The following CNTN5 variants were observed in gnomAD, a reference collection of about 807,000 sequenced individuals.
The protein encoded by CNTN5 is contactin 5.
Under a neutral mutation model 129.1 loss-of-function variants are expected in CNTN5, and 77 were observed. The observed-to-expected ratio is 0.60, with a 90% CI of 0.50 to 0.72. The LOEUF is 0.72. Ranked by LOEUF, CNTN5 falls within the 30% of genes least tolerant of loss-of-function variation. CNTN5 has a pLI of 0.00. For synonymous variants in CNTN5, 509 were observed against 465.6 expected (o/e 1.09, Z -1.20); for missense variants, 1,478 against 1,328.8 (o/e 1.11, Z -1.75).
intron 3 of CNTN5, among the ~76,000 whole-genome samples, chr11:99,619,292 C>A (rs1306720273): frequency 2.0e-5 from 3 of 151,992 alleles, no homozygotes; most frequent in African/African-American, 7.2e-5. Flanking sequence ...AAATTTTTCA[C>A]AAAAGTTTAC....
chr11:99,154,734 G>A (rs935492865), intron 1 of CNTN5, among the ~76,000 whole-genome samples: 2 of 152,168 alleles, frequency 1.3e-5, no homozygotes, highest in Admixed American at 6.5e-5. Flanking sequence ...AAGCACCCAG[G>A]TTGGACATCT....
chr11:100,194,603 G>GAA (rs774548959), intron 15 of CNTN5, among the ~76,000 whole-genome samples: 4,106 of 125,004 alleles, frequency 0.033, 198 homozygotes, highest in African/African-American at 0.11. Flanking sequence ...GGGATACAAG[G>GAA]AAAAAAAAAA....
At chr11:99,613,701 A>G (rs1950666479) in intron 3 of CNTN5, among the ~76,000 whole-genome samples, 1 of 152,214 alleles carries the variant, frequency 6.6e-6, no homozygotes, top group Admixed American at 6.5e-5. Flanking sequence ...TCAGGATGAT[A>G]TATTTGACAA....
intron 18 of CNTN5, among the ~76,000 whole-genome samples, chr11:100,293,365 C>A (rs1194434725): frequency 6.6e-6 from 1 of 151,644 alleles, no homozygotes; most frequent in East Asian, 1.9e-4. Context: ...CCTAGATTTC[C>A]AGATTGAAAC....
At chr11:99,514,321 A>G (rs1022189190) in intron 2 of CNTN5, among the ~76,000 whole-genome samples, 2 of 152,118 alleles carry the variant, frequency 1.3e-5, no homozygotes, top group Admixed American at 1.3e-4. Context: ...AACATTGTGG[A>G]AATGACAACA....
intron 3 of CNTN5, among the ~76,000 whole-genome samples, chr11:99,756,633 T>C (rs1425670762): frequency 6.6e-6 from 1 of 152,070 alleles, no homozygotes; most frequent in Non-Finnish European, 1.5e-5. Context: ...CTTTGAACAT[T>C]TACAAAGATG....
At chr11:99,463,780 TAA>T (rs879552176) in intron 2 of CNTN5, among the ~76,000 whole-genome samples, 1 of 151,422 alleles carries the variant, frequency 6.6e-6, no homozygotes, top group East Asian at 1.9e-4. Context: ...ACAAATTAAT[TAA>T]ATTCTGTAAA....
At chr11:100,158,579 A>G (rs1947335240) in intron 13 of CNTN5, among the ~76,000 whole-genome samples, 1 of 151,902 alleles carries the variant, frequency 6.6e-6, no homozygotes, top group African/African-American at 2.4e-5. Flanking sequence ...AGAAACTTCA[A>G]TAGAAGAAGT....
chr11:99,454,898 G>A (rs1944441400), intron 2 of CNTN5, among the ~76,000 whole-genome samples: 1 of 152,138 alleles, frequency 6.6e-6, no homozygotes, highest in African/African-American at 2.4e-5. Flanking sequence ...TAGCCTCCCA[G>A]CAAACAAACA....
At chr11:99,230,721 C>T (rs1026454852) in intron 1 of CNTN5, among the ~76,000 whole-genome samples, 6 of 152,100 alleles carry the variant, frequency 3.9e-5, no homozygotes, top group African/African-American at 9.7e-5. Flanking sequence ...CACAGATAAA[C>T]GTGTGCCATG....
At chr11:100,008,091 A>G (rs930414132) in intron 9 of CNTN5, among the ~76,000 whole-genome samples, 6 of 152,100 alleles carry the variant, frequency 3.9e-5, no homozygotes, top group African/African-American at 1.4e-4. Flanking sequence ...GCTGTCTTCT[A>G]TGGGCATAGT....
At chr11:99,757,753 T>A (rs1260101614) in intron 3 of CNTN5, among the ~76,000 whole-genome samples, 1 of 152,100 alleles carries the variant, frequency 6.6e-6, no homozygotes, top group Non-Finnish European at 1.5e-5. Flanking sequence ...ATTCCGACTC[T>A]GCTACTTAGT....
chr11:100,107,170 C>T (rs1390724914), intron 13 of CNTN5, among the ~76,000 whole-genome samples: 1 of 152,060 alleles, frequency 6.6e-6, no homozygotes, highest in Non-Finnish European at 1.5e-5. Flanking sequence ...TCCCCAAGAC[C>T]ACTTTTTCCT....
chr11:99,872,180 T>TA (rs1273574304), intron 6 of CNTN5, among the ~76,000 whole-genome samples: 1 of 152,176 alleles, frequency 6.6e-6, no homozygotes, highest in East Asian at 1.9e-4. Context: ...CACCTGTTTT[T>TA]ATAACAAGTG....
chr11:99,614,937 G>T (rs541141041), intron 3 of CNTN5, among the ~76,000 whole-genome samples: 1 of 151,514 alleles, frequency 6.6e-6, no homozygotes, highest in Non-Finnish European at 1.5e-5. Context: ...AAGAATGGCC[G>T]TACTGTTGTT....
At chr11:99,601,105 G>C (rs1950298668) in intron 3 of CNTN5, among the ~76,000 whole-genome samples, 1 of 152,060 alleles carries the variant, frequency 6.6e-6, no homozygotes, top group Non-Finnish European at 1.5e-5. Context: ...TTTGGCACTT[G>C]GAAGGTTTTT....
intron 6 of CNTN5, among the ~76,000 whole-genome samples, chr11:99,889,321 TG>T (rs757593941): frequency 0.28 from 40,479 of 144,690 alleles, 7,001 homozygotes; most frequent in Non-Finnish European, 0.36. Flanking sequence ...TGTGTGTGTG[TG>T]TGTGTGTGTG....
chr11:99,663,884 A>AT (rs986655719), intron 3 of CNTN5, among the ~76,000 whole-genome samples: 2 of 152,194 alleles, frequency 1.3e-5, no homozygotes, highest in African/African-American at 4.8e-5. Flanking sequence ...ACAATGATAC[A>AT]TTTAGGCCAA....
At chr11:99,241,596 A>T (rs1308098383) in intron 1 of CNTN5, among the ~76,000 whole-genome samples, 1 of 152,042 alleles carries the variant, frequency 6.6e-6, no homozygotes, top group Non-Finnish European at 1.5e-5. Flanking sequence ...AGACAGATTG[A>T]TAGATTTTTT....
Sources: allele counts gnomAD v4.1 joint callset (sites outside exome capture counted in the v4.1 genomes callset), GRCh38; gene constraint gnomAD v4.1.1; transcripts MANE v1.5; gene names NCBI Gene and HGNC (gene_info 2026-07-23, HGNC 2026-07-21).